BNC2: variants seen among roughly 807,000 people sequenced by gnomAD.
BNC2 encodes basonuclin zinc finger protein 2.
Under a neutral mutation model 76.3 loss-of-function variants are expected in BNC2, and 20 were observed. That is an observed-to-expected ratio of 0.26 (90% CI 0.18 to 0.38). BNC2 has a LOEUF of 0.38. Ranked by LOEUF, BNC2 falls within the 10% of genes least tolerant of loss-of-function variation. The pLI is 1.00. For missense variants in BNC2, 1,382 were observed against 1,399.8 expected (o/e 0.99, Z 0.20); for synonymous variants, 582 against 514.8 (o/e 1.13, Z -1.77).
intron 5 of BNC2, among the ~76,000 whole-genome samples, chr9:16,520,983 C>A (rs756466951): frequency 6.6e-6 from 1 of 152,204 alleles, no homozygotes; most frequent in Non-Finnish European, 1.5e-5. Context: ...ACTCCAGCTT[C>A]TCATCAATTT....
At chr9:16,574,242 T>C in intron 4 of BNC2, among the ~76,000 whole-genome samples, 1 of 152,140 alleles carries the variant, frequency 6.6e-6, no homozygotes, top group East Asian at 1.9e-4. Flanking sequence ...GTTAGCAAGA[T>C]ATAAAAATTT....
intron 1 of BNC2, among the ~76,000 whole-genome samples, chr9:16,849,920 G>T (rs1406149605): frequency 2.0e-5 from 3 of 151,846 alleles, no homozygotes; most frequent in Admixed American, 6.6e-5. Context: ...GTATGAATAA[G>T]GCTGTCCCAC....
At chr9:16,655,990 C>T (rs1821917771) in intron 3 of BNC2, among the ~76,000 whole-genome samples, 1 of 152,172 alleles carries the variant, frequency 6.6e-6, no homozygotes, top group Non-Finnish European at 1.5e-5. Context: ...GAGGCACATA[C>T]AAGGCAGTGT....
chr9:16,504,309 AT>A (rs1822580938), intron 5 of BNC2, among the ~76,000 whole-genome samples: 1 of 151,876 alleles, frequency 6.6e-6, no homozygotes, highest in East Asian at 1.9e-4. Flanking sequence ...GTATTAATAC[AT>A]GTATTCCAGA....
chr9:16,504,032 C>T (rs1168490643), intron 5 of BNC2, among the ~76,000 whole-genome samples: 1 of 152,060 alleles, frequency 6.6e-6, no homozygotes, highest in Non-Finnish European at 1.5e-5. Flanking sequence ...ACATACCCAG[C>T]ACCTACAGGC....
intron 1 of BNC2, among the ~76,000 whole-genome samples, chr9:16,803,702 T>C (rs1334923664): frequency 1.3e-5 from 2 of 152,200 alleles, no homozygotes; most frequent in Non-Finnish European, 2.9e-5. Context: ...TATCATCTAT[T>C]TACAGTTGAT....
At chr9:16,568,892 G>T (rs776446305) in intron 4 of BNC2, among the ~76,000 whole-genome samples, 1 of 152,014 alleles carries the variant, frequency 6.6e-6, no homozygotes, top group Admixed American at 6.6e-5. Flanking sequence ...TATGTAACTG[G>T]GAGCAAGTTA....
intron 3 of BNC2, among the ~76,000 whole-genome samples, chr9:16,666,443 C>T (rs1054619149): frequency 6.6e-6 from 1 of 150,480 alleles, no homozygotes; most frequent in African/African-American, 2.5e-5. Flanking sequence ...AGATATTTAA[C>T]GTGCTTCATT....
intron 3 of BNC2, among the ~76,000 whole-genome samples, chr9:16,666,531 A>G (rs2076798809): frequency 1.3e-5 from 2 of 152,346 alleles, no homozygotes; most frequent in South Asian, 4.1e-4. Flanking sequence ...TAAATGCTAC[A>G]ATGCAACTGA....
chr9:16,649,329 T>C (rs1436413888), intron 3 of BNC2, among the ~76,000 whole-genome samples: 1 of 152,168 alleles, frequency 6.6e-6, no homozygotes, highest in Non-Finnish European at 1.5e-5. Flanking sequence ...TGAACAAGAC[T>C]TTCCCAGAGT....
At chr9:16,778,684 C>T (rs531466177) in intron 1 of BNC2, among the ~76,000 whole-genome samples, 4 of 152,288 alleles carry the variant, frequency 2.6e-5, no homozygotes, top group South Asian at 2.1e-4. Flanking sequence ...GACTTCCAAG[C>T]CTGAGCTCTT....
At chr9:16,866,851 T>C (rs1328926005) in intron 1 of BNC2, among the ~76,000 whole-genome samples, 2 of 152,080 alleles carry the variant, frequency 1.3e-5, no homozygotes, top group African/African-American at 2.4e-5. Context: ...AATGATACTA[T>C]ATAATTCCCA....
intron 1 of BNC2, among the ~76,000 whole-genome samples, chr9:16,800,213 A>G (rs12003924): frequency 7.5e-6 from 1 of 133,088 alleles, no homozygotes; most frequent in East Asian, 2.2e-4. Flanking sequence ...TGACAAAGCA[A>G]GACTCCATCT....
At chr9:16,573,150 C>T (rs1156778124) in intron 4 of BNC2, among the ~76,000 whole-genome samples, 2 of 150,422 alleles carry the variant, frequency 1.3e-5, no homozygotes, top group East Asian at 3.9e-4. Flanking sequence ...ATTGCTTGAA[C>T]CCAGGAAGGG....
chr9:16,666,116 T>G (rs190939534), intron 3 of BNC2, among the ~76,000 whole-genome samples: 1 of 152,218 alleles, frequency 6.6e-6, no homozygotes, highest in Non-Finnish European at 1.5e-5. Flanking sequence ...GTATAAAATT[T>G]GAATTCATAT....
intron 5 of BNC2, among the ~76,000 whole-genome samples, chr9:16,465,393 G>C (rs1020343221): frequency 7.6e-6 from 1 of 130,980 alleles, no homozygotes; most frequent in Non-Finnish European, 1.5e-5. Context: ...CTGAGATTGT[G>C]CAACTACACT....
At chr9:16,499,020 C>A (rs1328079523) in intron 5 of BNC2, among the ~76,000 whole-genome samples, 1 of 151,830 alleles carries the variant, frequency 6.6e-6, no homozygotes, top group Non-Finnish European at 1.5e-5. Flanking sequence ...AATTACTATA[C>A]CTGCCATAAG....
chr9:16,695,240 C>A (rs1823302315), intron 3 of BNC2, among the ~76,000 whole-genome samples: 1 of 152,160 alleles, frequency 6.6e-6, no homozygotes, highest in Admixed American at 6.5e-5. Context: ...GACAGAGCTA[C>A]TTACGTAATT....
At chr9:16,734,731 G>GA (rs1286067369) in intron 2 of BNC2, among the ~76,000 whole-genome samples, 1 of 152,152 alleles carries the variant, frequency 6.6e-6, no homozygotes, top group Non-Finnish European at 1.5e-5. Context: ...CGTGACAAAA[G>GA]AAAAAATAAT....
Sources: allele counts gnomAD v4.1 joint callset (sites outside exome capture counted in the v4.1 genomes callset), GRCh38; gene constraint gnomAD v4.1.1; transcripts MANE v1.5; gene names NCBI Gene and HGNC (gene_info 2026-07-23, HGNC 2026-07-21).